SUCLG2: variants seen among roughly 807,000 people sequenced by gnomAD.
SUCLG2 encodes succinate-CoA ligase GDP-forming subunit beta.
Under a neutral mutation model 47.9 loss-of-function variants are expected in SUCLG2, and 42 were observed. The observed-to-expected ratio is 0.88, with a 90% CI of 0.69 to 1.14. SUCLG2 has a LOEUF of 1.14. Ranked by LOEUF, SUCLG2 falls within the 50% of genes most tolerant of loss-of-function variation. The probability of loss-of-function intolerance (pLI) is 0.00; values close to 1 mark genes in which losing one functional copy is unlikely to be tolerated. For missense variants in SUCLG2, 571 were observed against 525.9 expected (o/e 1.09, Z -0.84); for synonymous variants, 195 against 197.3 (o/e 0.99, Z 0.10).
chr3:67,512,368 T>C (rs1026946435), intron 6 of SUCLG2, among the ~76,000 whole-genome samples: 1 of 151,130 alleles, frequency 6.6e-6, no homozygotes, highest in Admixed American at 6.6e-5. Context: ...TTTTTGTATT[T>C]TAGGGGGTTT....
At chr3:67,410,055 A>G (rs1372818591) in intron 9 of SUCLG2, among the ~76,000 whole-genome samples, 1 of 152,202 alleles carries the variant, frequency 6.6e-6, no homozygotes, top group African/African-American at 2.4e-5. Flanking sequence ...TCTGTGTTCT[A>G]AATTATAACA....
intron 10 of SUCLG2, among the ~76,000 whole-genome samples, chr3:67,379,775 T>C (rs1176743624): frequency 6.6e-6 from 1 of 152,160 alleles, no homozygotes; most frequent in East Asian, 1.9e-4. Context: ...TGTTAAATGG[T>C]ATTTCTTTGG....
chr3:67,521,777 G>T (rs571139345), intron 4 of SUCLG2, among the ~76,000 whole-genome samples: 17 of 151,710 alleles, frequency 1.1e-4, no homozygotes, highest in Middle Eastern at 3.2e-3. Flanking sequence ...CTGCCACCAT[G>T]CTTGGCTAAT....
At chr3:67,563,685 C>T (rs918720273) in intron 2 of SUCLG2, among the ~76,000 whole-genome samples, 5 of 152,050 alleles carry the variant, frequency 3.3e-5, no homozygotes, top group Admixed American at 1.3e-4. Flanking sequence ...GTTGGCCGGG[C>T]GCGGTGGCTC....
chr3:67,475,655 T>C (rs989314343), intron 9 of SUCLG2, among the ~76,000 whole-genome samples: 1 of 152,150 alleles, frequency 6.6e-6, no homozygotes, highest in Non-Finnish European at 1.5e-5. Context: ...CGACTTTACA[T>C]AGGCATTTTC....
chr3:67,477,082 TA>T (rs1353859047), intron 9 of SUCLG2, among the ~76,000 whole-genome samples: 1 of 152,264 alleles, frequency 6.6e-6, no homozygotes, highest in East Asian at 1.9e-4. Flanking sequence ...TATCTATCTG[TA>T]CCTGCCTCCC....
intron 2 of SUCLG2, among the ~76,000 whole-genome samples, chr3:67,586,797 T>C (rs939496140): frequency 6.6e-6 from 1 of 152,170 alleles, no homozygotes; most frequent in Non-Finnish European, 1.5e-5. Flanking sequence ...TTTAAGTAAC[T>C]TGTTCAAGGT....
chr3:67,395,786 G>T (rs1702510889), intron 10 of SUCLG2, among the ~76,000 whole-genome samples: 1 of 152,028 alleles, frequency 6.6e-6, no homozygotes, highest in South Asian at 2.1e-4. Flanking sequence ...GCTCTCCTCA[G>T]CTAAAGTAAA....
intron 9 of SUCLG2, among the ~76,000 whole-genome samples, chr3:67,450,201 C>G (rs576020108): frequency 6.6e-6 from 1 of 152,212 alleles, no homozygotes; most frequent in African/African-American, 2.4e-5. Context: ...GCCACCACAC[C>G]TGGCTAACTT....
chr3:67,582,152 A>G (rs1257104229), intron 2 of SUCLG2, among the ~76,000 whole-genome samples: 1 of 152,176 alleles, frequency 6.6e-6, no homozygotes, highest in Admixed American at 6.5e-5. Context: ...GTACATGTAC[A>G]GTTTTGTTAT....
intron 2 of SUCLG2, among the ~76,000 whole-genome samples, chr3:67,580,498 T>G (rs1236497829): frequency 3.3e-5 from 5 of 152,206 alleles, no homozygotes; most frequent in African/African-American, 1.2e-4. Flanking sequence ...AGATACATCT[T>G]CAAAGTGGCT....
chr3:67,603,990 C>T (rs983433221), intron 2 of SUCLG2, among the ~76,000 whole-genome samples: 4 of 152,086 alleles, frequency 2.6e-5, no homozygotes, highest in Non-Finnish European at 5.9e-5. Flanking sequence ...TCCTTTAAAG[C>T]GTGATTATAA....
intron 1 of SUCLG2, among the ~76,000 whole-genome samples, chr3:67,643,143 G>A (rs951266658): frequency 2.6e-5 from 4 of 152,142 alleles, no homozygotes; most frequent in Non-Finnish European, 4.4e-5. Context: ...ACTAAACAAC[G>A]TGGTCCAAAA....
At chr3:67,558,082 T>G (rs1290182464) in intron 2 of SUCLG2, among the ~76,000 whole-genome samples, 1 of 152,204 alleles carries the variant, frequency 6.6e-6, no homozygotes, top group Admixed American at 6.5e-5. Context: ...CTTTGACCTC[T>G]GTTTATTCCG....
At chr3:67,373,468 C>A (rs1297483790), downstream of SUCLG2, among the ~76,000 whole-genome samples, 1 of 152,032 alleles carries the variant, frequency 6.6e-6, no homozygotes, top group Non-Finnish European at 1.5e-5. Context: ...GATTACAACT[C>A]AAGATGAGAT....
At chr3:67,615,252 GA>G (rs11382364) in intron 1 of SUCLG2, among the ~76,000 whole-genome samples, 10 of 146,980 alleles carry the variant, frequency 6.8e-5, no homozygotes, top group Non-Finnish European at 1.0e-4. Flanking sequence ...CAGCTACACA[GA>G]AAAAAAAAAA....
intron 9 of SUCLG2, among the ~76,000 whole-genome samples, chr3:67,405,325 A>G (rs753002926): frequency 6.6e-5 from 10 of 152,182 alleles, no homozygotes; most frequent in Non-Finnish European, 1.3e-4. Flanking sequence ...AAAAGTAAAA[A>G]CTAAACTTTG....
intron 9 of SUCLG2, among the ~76,000 whole-genome samples, chr3:67,483,313 C>T (rs973838330): frequency 6.6e-6 from 1 of 152,054 alleles, no homozygotes; most frequent in Non-Finnish European, 1.5e-5. Flanking sequence ...GAAAGGAGGA[C>T]AACTCCGAGG....
At chr3:67,646,782 C>T (rs1362034162) in intron 1 of SUCLG2, among the ~76,000 whole-genome samples, 1 of 152,136 alleles carries the variant, frequency 6.6e-6, no homozygotes, top group Non-Finnish European at 1.5e-5. Flanking sequence ...AGTATCCTGG[C>T]ATAATGACTC....
Sources: gnomAD v4.1 joint callset for allele counts (sites outside exome capture counted in the v4.1 genomes callset) on GRCh38, gnomAD v4.1.1 for gene constraint, MANE v1.5 for transcripts, NCBI Gene and HGNC (gene_info 2026-07-23, HGNC 2026-07-21) for gene names.